Variants in GRIP2 observed in about 807,000 individuals in gnomAD.
GRIP2 encodes glutamate receptor-interacting protein 2.
A neutral mutation model predicts 108.3 loss-of-function variants in GRIP2; 58 were observed. That is an observed-to-expected ratio of 0.54 (90% CI 0.43 to 0.67). The LOEUF (loss-of-function observed/expected upper bound fraction) is 0.67. GRIP2 is among the 30% of genes least tolerant of loss of function. The pLI is 0.00. For missense variants in GRIP2, 1,278 were observed against 1,430.6 expected, an observed-to-expected ratio of 0.89 and a Z score of 1.72; for synonymous variants, 586 against 598.2, an observed-to-expected ratio of 0.98 and a Z score of 0.30.
At chr3:14,587,780 C>T in the GRIP2 span, among the ~76,000 whole-genome samples, 7 of 152,234 alleles carry the variant, frequency 4.6e-5, no homozygotes, top group South Asian at 1.0e-3. Context: ...TGTGCCTGTG[C>T]CCAGCACATG....
chr3:14,495,001 A>G lies in GRIP2; in HGVS notation c.2824-12T>C, dbSNP rs1171758962. ...TTGTGCAGGGTCACCTGGAAGCAGA[A>G]GGAGGAGGAGGTTCCTGGAACTCTG... On this transcript the variant is annotated splice_polypyrimidine_tract_variant and intron_variant, in intron 22 of 23. Transcript: ENST00000621039. 3 of 1,604,516 alleles carry G rather than the reference A, an allele frequency of 1.9e-6. No homozygotes were observed. The highest frequency in any genetic ancestry group is 2.6e-6 in the Non-Finnish European group (3 of 1,176,314).
Position 14,494,996 on chromosome 3 carries a change from G to A in GRIP2, c.2824-7C>T. On this transcript the variant is annotated splice_region_variant and splice_polypyrimidine_tract_variant and intron_variant, in intron 22 of 23. Coordinates refer to ENST00000621039, the MANE Select transcript of GRIP2 (RefSeq NM_001080423.4). ...GGTCCTTGTGCAGGGTCACCTGGAA[G>A]CAGAAGGAGGAGGAGGTTCCTGGAA... The A allele has an allele frequency of 6.2e-7, 1 of 1,613,420 alleles. No individual in the cohort carries two copies. The highest frequency in any genetic ancestry group is 8.5e-7 in the Non-Finnish European group (1 of 1,179,576).
the GRIP2 span, among the ~76,000 whole-genome samples, chr3:14,583,636 A>G: frequency 1.3e-5 from 2 of 152,210 alleles, no homozygotes; most frequent in African/African-American, 4.8e-5. Flanking sequence ...AATTAGGTTA[A>G]AGGAAGAATA....
chr3:14,495,035 C>G (rs1228272449), intron 22 of GRIP2, 46 bp from the exon 23 acceptor site: 14 of 1,603,432 alleles, frequency 8.7e-6, no homozygotes, highest in Non-Finnish European at 1.2e-5. Flanking sequence ...TGACCTTTGC[C>G]CCCAGCCTCT....
the GRIP2 span, among the ~76,000 whole-genome samples, chr3:14,590,793 G>T: frequency 6.6e-6 from 1 of 152,238 alleles, no homozygotes; most frequent in Non-Finnish European, 1.5e-5. Flanking sequence ...GTATAAAGGG[G>T]CTGGGTGGAG....
At chr3:14,570,351 AG>A in the GRIP2 span, among the ~76,000 whole-genome samples, 1,031 of 152,330 alleles carry the variant, frequency 6.8e-3, 11 homozygotes, top group Non-Finnish European at 9.4e-3. Flanking sequence ...ACACTGAAGC[AG>A]CAGCAGGAAG....
chr3:14,521,848 G>T lies in GRIP2; in HGVS notation c.567-61C>A. On this transcript the variant is annotated intron_variant, in intron 6 of 23. Transcript: ENST00000621039. The surrounding 1 kb of genome is among the most constrained non-coding windows in gnomAD (Gnocchi z 5.1). ...AGCAGCACTGGGCACAGCCTGTCTG[G>T]GAGGGCGCTGGGAAGCGGGACATGG... is the stretch of plus-strand genomic sequence containing the variant. 1 of 1,461,276 alleles carries T rather than the reference G, an allele frequency of 6.8e-7. No individual in the cohort carries two copies. 90.5% of individuals were successfully genotyped at this position (1,461,276 alleles called of 1,614,324 possible).
intron 20 of GRIP2, among the ~76,000 whole-genome samples, chr3:14,504,689 T>C (rs950961243): frequency 6.6e-5 from 10 of 152,178 alleles, no homozygotes; most frequent in Non-Finnish European, 1.5e-4. Flanking sequence ...CCTCCTTCCC[T>C]TTCCATGTAA....
chr3:14,538,781 G>A (rs953270693), intron 1 of GRIP2, among the ~76,000 whole-genome samples: 1 of 152,200 alleles, frequency 6.6e-6, no homozygotes, highest in African/African-American at 2.4e-5. Flanking sequence ...TTGTGTTTTG[G>A]CAAGCTTCCT....
At chr3:14,583,303 C>T in the GRIP2 span, among the ~76,000 whole-genome samples, 5 of 152,284 alleles carry the variant, frequency 3.3e-5, no homozygotes, top group South Asian at 1.0e-3. Context: ...GGATGCAGGG[C>T]AAGTTTACAA....
rs1694408260 is a variant in GRIP2, at chr3:14,521,558, T to C, written c.712+84A>G. The C allele has an allele frequency of 6.4e-6, 9 of 1,410,052 alleles. No individual in the cohort carries two copies. Among genetic ancestry groups the C allele is most frequent in the Non-Finnish European group, 8.6e-6 (9 of 1,048,564 alleles). 87.3% of individuals were successfully genotyped at this position (1,410,052 alleles called of 1,614,324 possible). A position where few individuals can be genotyped will look rare whatever the true frequency, so the allele number is the denominator to read the frequency against. On this transcript the variant is annotated intron_variant, in intron 7 of 23. Transcript: ENST00000621039. This position sits in a 1 kb window ranked among gnomAD's most constrained non-coding sequence, Gnocchi z 5.1. Reference sequence around the variant, plus strand: ...TCATAAGGTCATGCAGCCTTTGCAGTGGTAAAGATCCATGGCCACTGCCAC... The same window carrying C: ...TCATAAGGTCATGCAGCCTTTGCAGCGGTAAAGATCCATGGCCACTGCCAC...
Position 14,508,541 on chromosome 3 carries a change from G to A in GRIP2, c.2079-841C>T, listed in dbSNP as rs756196394. 3.3e-5 allele frequency among the ~76,000 whole-genome samples: 5 copies of A among 152,176 alleles called. No individual in the cohort carries two copies. In the East Asian group the frequency reaches 9.6e-4, roughly 29 times the overall value. On this transcript the variant is annotated intron_variant, in intron 17 of 23. Coordinates refer to ENST00000621039, the MANE Select transcript of GRIP2 (RefSeq NM_001080423.4). ...ATGTCACCCCATATGGGAGCTCCTG[G>A]AGAGTCATGCTTGGGCATTGCCCTG...
chr3:14,546,751 G>A (rs575312106), upstream of GRIP2, among the ~76,000 whole-genome samples: 3 of 152,302 alleles, frequency 2.0e-5, no homozygotes, highest in East Asian at 1.9e-4. Flanking sequence ...CAGAAACAGC[G>A]AGCTCCCACT....
At chr3:14,594,441 C>G in the GRIP2 span, among the ~76,000 whole-genome samples, 2 of 152,188 alleles carry the variant, frequency 1.3e-5, no homozygotes, top group African/African-American at 4.8e-5. Flanking sequence ...GGCGTGACTC[C>G]CAGTGGCAGC....
At chr3:14,552,207 G>A (rs1200854489) in intron 1 of GRIP2, among the ~76,000 whole-genome samples, 2 of 152,204 alleles carry the variant, frequency 1.3e-5, no homozygotes, top group Non-Finnish European at 2.9e-5. Context: ...TCAGATTTGA[G>A]GCCCTGATGT....
chr3:14,517,836 G>A lies in GRIP2; in HGVS notation c.1092C>T (p.Ser364=). 4 of 1,604,346 alleles carry A rather than the reference G, an allele frequency of 2.5e-6. No homozygotes were observed. The South Asian group carries it at 3.4e-5, about 13-fold the overall frequency. ...GCATCCTGCAGTGGCCGGGCCGGGG[G>A]CTGTGGCAGGAGGGCACGCAGGGGT... ...RWDPCVPSCH[S]PRPGHCRMPT... Residue 364 remains serine, a synonymous_variant, in exon 10 of 24, where the codon AGC becomes AGT. Coordinates refer to ENST00000621039, the MANE Select transcript of GRIP2 (RefSeq NM_001080423.4).
chr3:14,523,170 C>T, intron 5 of GRIP2, 95 bp from the exon 6 acceptor site: 1 of 911,248 alleles, frequency 1.1e-6, no homozygotes, highest in South Asian at 1.6e-5. Context: ...TTCAATAAAA[C>T]CTGTTTGAGG....
the GRIP2 span, among the ~76,000 whole-genome samples, chr3:14,600,450 G>T: frequency 1.3e-5 from 2 of 152,152 alleles, no homozygotes; most frequent in Admixed American, 6.5e-5. Context: ...GTAATCAGAG[G>T]GACTTAAGAA....
At chr3:14,553,655 C>T (rs879455188) in intron 1 of GRIP2, among the ~76,000 whole-genome samples, 1 of 152,096 alleles carries the variant, frequency 6.6e-6, no homozygotes, top group Admixed American at 6.5e-5. Context: ...GGGGCCTTAC[C>T]CAGAAAAGAT....
Sources: allele counts gnomAD v4.1 joint callset (sites outside exome capture counted in the v4.1 genomes callset), GRCh38; gene constraint gnomAD v4.1.1; non-coding constraint Gnocchi (gnomAD v3.1); transcripts MANE v1.5; gene names NCBI Gene and HGNC (gene_info 2026-07-23, HGNC 2026-07-21).